Variants in PDE9A observed in about 807,000 individuals in gnomAD.
PDE9A encodes the protein high affinity cGMP-specific 3',5'-cyclic phosphodiesterase 9A.
A neutral mutation model predicts 87.4 loss-of-function variants in PDE9A; 60 were observed. The observed-to-expected ratio is 0.69, with a 90% CI of 0.56 to 0.85. The LOEUF is 0.85. Ranked by LOEUF, PDE9A falls within the 40% of genes least tolerant of loss-of-function variation. The pLI, the probability that PDE9A is intolerant of heterozygous loss-of-function variation, is 0.00. For missense variants in PDE9A, 665 were observed against 779.0 expected, an observed-to-expected ratio of 0.85 and a Z score of 1.74; for synonymous variants, 272 against 279.4, an observed-to-expected ratio of 0.97 and a Z score of 0.27.
chr21:42,762,824 C>A (rs1489581908), intron 14 of PDE9A, among the ~76,000 whole-genome samples: 2 of 152,178 alleles, frequency 1.3e-5, no homozygotes, highest in African/African-American at 4.8e-5. Context: ...TCCCAAATAG[C>A]TGGGATTACA....
chr21:42,760,539 G>C lies in PDE9A; in HGVS notation c.1002+107G>C, dbSNP rs566865914. 1.4e-6 allele frequency: 1 copy of C among 720,880 alleles called. No homozygotes were observed. Among genetic ancestry groups the C allele is most frequent in the Admixed American group, 2.4e-5 (1 of 41,740 alleles). 44.7% of individuals were successfully genotyped at this position (720,880 alleles called of 1,614,324 possible). A position where few individuals can be genotyped will look rare whatever the true frequency, so the allele number is the denominator to read the frequency against. On this transcript the variant is annotated intron_variant, in intron 12 of 19. Transcript: ENST00000291539. This position sits in a 1 kb window ranked among gnomAD's most constrained non-coding sequence, Gnocchi z 5.2. Reference sequence around the variant, plus strand: ...CCCACCAAGAGAGCCACAGGCGTGGGGTCCCCAGCCGCTCCGCCCCTCCTA... The same window carrying C: ...CCCACCAAGAGAGCCACAGGCGTGGCGTCCCCAGCCGCTCCGCCCCTCCTA...
chr21:42,708,354 C>T (rs527990479), intron 4 of PDE9A, among the ~76,000 whole-genome samples: 15 of 152,214 alleles, frequency 9.9e-5, no homozygotes, highest in Admixed American at 2.0e-4. Flanking sequence ...AGTGTCCTGA[C>T]GGCAGATTTG....
intron 4 of PDE9A, among the ~76,000 whole-genome samples, chr21:42,713,539 T>G (rs972669802): frequency 6.6e-6 from 1 of 152,262 alleles, no homozygotes; most frequent in Non-Finnish European, 1.5e-5. Flanking sequence ...TGCAGTGTCT[T>G]TGTCATGTTT....
At chr21:42,697,419 G>A in intron 3 of PDE9A, 1 of 1,607,872 alleles carries the variant, frequency 6.2e-7, no homozygotes, top group East Asian at 2.2e-5. Flanking sequence ...TTCCAGGAAT[G>A]AGCTCATTCT....
intron 1 of PDE9A, among the ~76,000 whole-genome samples, chr21:42,662,048 T>C (rs2057541691): frequency 1.3e-5 from 2 of 152,146 alleles, no homozygotes; most frequent in Admixed American, 6.5e-5. Context: ...AGTGTCTCTG[T>C]GAAGTGGGGG....
intron 4 of PDE9A, among the ~76,000 whole-genome samples, chr21:42,710,408 CAAAA>C (rs35770609): frequency 1.8e-5 from 2 of 110,720 alleles, no homozygotes; most frequent in African/African-American, 3.1e-5. Context: ...GACTCCATCT[CAAAA>C]AAAAAAAAAA....
At chr21:42,724,461 G>A (rs1018021666) in intron 4 of PDE9A, 8 of 232,568 alleles carry the variant, frequency 3.4e-5, no homozygotes, top group Non-Finnish European at 5.7e-5. Context: ...AGGGTCAGGA[G>A]AGGAGGCACC....
chr21:42,763,856 G>A (rs1242230868), intron 14 of PDE9A, among the ~76,000 whole-genome samples: 2 of 152,184 alleles, frequency 1.3e-5, no homozygotes, highest in African/African-American at 4.8e-5. Flanking sequence ...ATTTGTCTAC[G>A]CTTCCAGGAA....
rs368397033 is a variant in PDE9A, at chr21:42,760,311, C to T, written c.898-17C>T. 33 of 1,513,912 alleles carry T rather than the reference C, an allele frequency of 2.2e-5. No individual in the cohort carries two copies. Among genetic ancestry groups the T allele is most frequent in the Non-Finnish European group, 2.7e-5 (30 of 1,093,772 alleles). The allele number at this position is 1,513,912 out of a possible 1,614,324, so 93.8% of individuals were successfully genotyped here. A position where few individuals can be genotyped will look rare whatever the true frequency, so the allele number is the denominator to read the frequency against. On this transcript the variant is annotated splice_polypyrimidine_tract_variant and intron_variant, in intron 11 of 19. Coordinates refer to ENST00000291539, the MANE Select transcript of PDE9A (RefSeq NM_002606.3). This position sits in a 1 kb window ranked among gnomAD's most constrained non-coding sequence, Gnocchi z 5.2. ...GGGCCCAGGCACAGGGTGACTCGGA[C>T]CCCCTGCCTCCCGCAGTTCTGCGTC...
At chr21:42,715,541 C>T (rs1026693453) in intron 4 of PDE9A, among the ~76,000 whole-genome samples, 18 of 151,562 alleles carry the variant, frequency 1.2e-4, no homozygotes, top group Non-Finnish European at 1.2e-4. Flanking sequence ...CGCTTGAATC[C>T]GGAAGGCGGA....
intron 4 of PDE9A, among the ~76,000 whole-genome samples, chr21:42,725,797 A>G (rs8130944): frequency 0.7 from 106,459 of 152,124 alleles, 38,769 homozygotes; most frequent in East Asian, 0.94. Flanking sequence ...TACATCCGCC[A>G]GGAACATGTG....
intron 8 of PDE9A, 57 bp from the exon 9 acceptor site, chr21:42,751,059 G>C: frequency 8.8e-7 from 1 of 1,131,746 alleles, no homozygotes; most frequent in South Asian, 1.2e-5. Flanking sequence ...GCTGTGCTGA[G>C]GGCTTCACCA....
intron 4 of PDE9A, among the ~76,000 whole-genome samples, chr21:42,708,649 G>A (rs760611689): frequency 3.9e-5 from 6 of 152,204 alleles, no homozygotes; most frequent in Non-Finnish European, 7.3e-5. Context: ...CTGCCTCCTG[G>A]GTTCAAGCAA....
intron 15 of PDE9A, 113 bp downstream of exon 15, chr21:42,765,607 C>G (rs749337055): frequency 1.2e-5 from 9 of 720,500 alleles, no homozygotes. Context: ...CTTCTTGGAA[C>G]AAGGTGTCTA....
chr21:42,724,073 C>T (rs894307803), intron 4 of PDE9A, among the ~76,000 whole-genome samples: 12 of 152,148 alleles, frequency 7.9e-5, no homozygotes, highest in Admixed American at 2.6e-4. Context: ...CAGAATCCAG[C>T]GGTTTCAGGC....
chr21:42,736,657 G>A (rs1235503965), intron 7 of PDE9A, among the ~76,000 whole-genome samples: 1 of 152,248 alleles, frequency 6.6e-6, no homozygotes. Context: ...TCTCTAAGGA[G>A]TAGAGAAGGA....
intron 17 of PDE9A, among the ~76,000 whole-genome samples, chr21:42,769,365 ACTTGTG>A (rs1366447706): frequency 6.6e-6 from 1 of 150,658 alleles, no homozygotes; most frequent in African/African-American, 2.5e-5. Context: ...ACAGGCACAC[ACTTGTG>A]CACACAGGTA....
intron 1 of PDE9A, among the ~76,000 whole-genome samples, chr21:42,654,279 C>CG (rs2056881357): frequency 6.6e-6 from 1 of 151,966 alleles, no homozygotes. Context: ...GGGGCAGGTG[C>CG]GGGGGGCGCC....
chr21:42,693,335 G>A (rs1410858020), intron 3 of PDE9A, among the ~76,000 whole-genome samples: 3 of 142,906 alleles, frequency 2.1e-5, no homozygotes, highest in Admixed American at 7.2e-5. Flanking sequence ...GTCTGGCTCT[G>A]TCGCCCAGGC....
Sources: allele counts gnomAD v4.1 joint callset (sites outside exome capture counted in the v4.1 genomes callset), GRCh38; gene constraint gnomAD v4.1.1; non-coding constraint Gnocchi (gnomAD v3.1); transcripts MANE v1.5; gene names NCBI Gene and HGNC (gene_info 2026-07-23, HGNC 2026-07-21).